DAB2: variants seen among roughly 807,000 people sequenced by gnomAD.
DAB2 encodes the protein disabled homolog 2.
Under a neutral mutation model 71.6 loss-of-function variants are expected in DAB2, and 28 were observed. That is an observed-to-expected ratio of 0.39 (90% CI 0.29 to 0.54). DAB2 has a LOEUF of 0.54. DAB2 is among the 20% of genes least tolerant of loss of function. DAB2 has a pLI of 0.68. For synonymous variants in DAB2, 345 were observed against 339.7 expected (o/e 1.02, Z -0.17); for missense variants, 867 against 928.8 (o/e 0.93, Z 0.86).
intron 7 of DAB2, 74 bp downstream of exon 7, chr5:39,389,023 G>A: frequency 7.0e-7 from 1 of 1,435,888 alleles, no homozygotes; most frequent in South Asian, 1.2e-5. Context: ...TGGCGAGAGT[G>A]GTTGGGCAGG....
intron 1 of DAB2, among the ~76,000 whole-genome samples, chr5:39,416,101 C>T (rs897456530): frequency 1.3e-5 from 2 of 151,960 alleles, no homozygotes; most frequent in South Asian, 2.1e-4. Context: ...CTCAACCTTG[C>T]CTCACCGCCA....
chr5:39,378,157 T>C (rs2686163), intron 11 of DAB2, among the ~76,000 whole-genome samples: 58,007 of 152,088 alleles, frequency 0.38, 12,290 homozygotes, highest in Non-Finnish European at 0.47. Flanking sequence ...CTCCATCTCC[T>C]ACGACCTTGC....
chr5:39,381,908 A>C (rs1754988944), intron 10 of DAB2, among the ~76,000 whole-genome samples: 2 of 152,196 alleles, frequency 1.3e-5, no homozygotes, highest in Non-Finnish European at 2.9e-5. Context: ...CTCATCGCTA[A>C]ATGCTTGAAG....
intron 1 of DAB2, among the ~76,000 whole-genome samples, chr5:39,409,712 GGAACCTTGTGTCTAGTA>G (rs2112096353): frequency 6.6e-6 from 1 of 152,256 alleles, no homozygotes; most frequent in Admixed American, 6.5e-5. Flanking sequence ...CATAATTCAA[GGAACCTTGTGTCTAGTA>G]GAGATTTCAG....
At chr5:39,383,309 T>C in intron 9 of DAB2, 38 bp from the exon 10 acceptor site, 1 of 1,482,076 alleles carries the variant, frequency 6.7e-7, no homozygotes, top group African/African-American at 1.4e-5. Context: ...AAAGTGTTAG[T>C]CCATGTTGTG....
chr5:39,405,021 TA>T (rs142203529), intron 1 of DAB2, among the ~76,000 whole-genome samples: 12,856 of 152,246 alleles, frequency 0.084, 958 homozygotes, highest in African/African-American at 0.2. Flanking sequence ...TTTGAACACT[TA>T]ACTGCACTAA....
intron 1 of DAB2, among the ~76,000 whole-genome samples, chr5:39,407,466 G>T (rs138393148): frequency 6.6e-6 from 1 of 152,190 alleles, no homozygotes; most frequent in South Asian, 2.1e-4. Context: ...CTCCCAAAGT[G>T]CTGGGATTAC....
chr5:39,413,806 T>C (rs1397028733), intron 1 of DAB2, among the ~76,000 whole-genome samples: 1 of 152,196 alleles, frequency 6.6e-6, no homozygotes, highest in Non-Finnish European at 1.5e-5. Flanking sequence ...GCTAATTTGG[T>C]AGACAGCAAA....
intron 1 of DAB2, among the ~76,000 whole-genome samples, chr5:39,412,970 T>TAGGG (rs1188379005): frequency 1.3e-5 from 2 of 152,146 alleles, no homozygotes; most frequent in Non-Finnish European, 2.9e-5. Flanking sequence ...GGCTATAATA[T>TAGGG]AGGGCCTGTG....
intron 9 of DAB2, 68 bp downstream of exon 9, chr5:39,388,237 C>G: frequency 8.7e-7 from 1 of 1,150,146 alleles, no homozygotes; most frequent in East Asian, 2.4e-5. Context: ...CTTAAGATTT[C>G]TGGTTATTGC....
intron 9 of DAB2, among the ~76,000 whole-genome samples, chr5:39,387,367 G>T (rs755984233): frequency 1.3e-5 from 2 of 151,896 alleles, no homozygotes; most frequent in South Asian, 4.2e-4. Context: ...CATCTTTTAT[G>T]TTCAAATCTA....
Position 39,383,029 on chromosome 5 carries a change from C to A in DAB2, c.930G>T (p.Ser310=), listed in dbSNP as rs200633845. ...FTQPDQSTPS[S]FDSLKSPDQK... Reference sequence around the variant, plus strand: ...GATCTGGAGATTTGAGAGAATCAAACGAAGAAGGTGTCGATTGGTCTGGCT... The same window carrying A: ...GATCTGGAGATTTGAGAGAATCAAAAGAAGAAGGTGTCGATTGGTCTGGCT... Residue 310 remains serine, a synonymous_variant, in exon 10 of 15, where the codon TCG becomes TCT. Transcript: ENST00000320816. The A allele has an allele frequency of 8.7e-6, 14 of 1,613,878 alleles. 1 individual carries two copies. The highest frequency in any genetic ancestry group is 1.2e-5 in the Non-Finnish European group (14 of 1,180,022).
chr5:39,383,257 G>T lies in DAB2; in HGVS notation c.702C>A (p.Ile234=). 6.2e-7 allele frequency: 1 copy of T among 1,604,728 alleles called. No homozygotes were observed. Among genetic ancestry groups the T allele is most frequent in the Non-Finnish European group, 8.5e-7 (1 of 1,174,160 alleles). The change falls in exon 10 of 15, where the codon ATC becomes ATA. Residue 234 remains isoleucine (I), a synonymous_variant. Transcript: ENST00000320816. ...TTTCAGAGTTTAGATCCACTAACAGGATATCTTTGCTTTCCTATCACATTT... is the reference window on the plus strand; with the variant it reads ...TTTCAGAGTTTAGATCCACTAACAGTATATCTTTGCTTTCCTATCACATTT... ...DLNSPTESKD[I]LLVDLNSEID...
At chr5:39,414,329 C>T (rs1424396976) in intron 1 of DAB2, among the ~76,000 whole-genome samples, 2 of 152,094 alleles carry the variant, frequency 1.3e-5, no homozygotes, top group African/African-American at 2.4e-5. Flanking sequence ...TGTGTTAAGT[C>T]AAAGCAATAG....
intron 2 of DAB2, 49 bp downstream of exon 2, chr5:39,394,181 G>T: frequency 7.0e-7 from 1 of 1,438,374 alleles, no homozygotes; most frequent in Non-Finnish European, 9.8e-7. Context: ...TTCTCCAGGG[G>T]TAACCATCTC....
chr5:39,382,664 G>C lies in DAB2; in HGVS notation c.1295C>G (p.Pro432Arg). The C allele has an allele frequency of 6.2e-7, 1 of 1,614,086 alleles. No homozygotes were observed. The change falls in exon 10 of 15, where the codon CCA (proline) becomes CGA (arginine). Residue 432 changes from proline (P) to arginine (R), a missense_variant. This residue lies in a region of DAB2 where 740 missense variants were observed against 734.3 expected (regional missense o/e 1.01). Coordinates refer to ENST00000320816, the MANE Select transcript of DAB2 (RefSeq NM_001343.4). ...SSPHDSIAIIPPPQSTKPGRG... is the reference protein window; with the variant it reads ...SSPHDSIAIIRPPQSTKPGRG... ...TCCTGGTTTGGTACTTTGTGGAGGT[G>C]GGATAATGGCTATGGAGTCATGTGG... is the stretch of plus-strand genomic sequence containing the variant.
intron 1 of DAB2, among the ~76,000 whole-genome samples, chr5:39,401,941 G>A (rs1054190276): frequency 1.1e-4 from 17 of 151,706 alleles, no homozygotes; most frequent in African/African-American, 2.9e-4. Context: ...TTTGAGACTC[G>A]GTAATTTATA....
intron 1 of DAB2, among the ~76,000 whole-genome samples, chr5:39,409,216 A>G (rs1755669219): frequency 6.6e-6 from 1 of 152,158 alleles, no homozygotes; most frequent in African/African-American, 2.4e-5. Flanking sequence ...TTCTTGAGCT[A>G]AAGTTCACAT....
intron 1 of DAB2, among the ~76,000 whole-genome samples, chr5:39,413,511 A>G (rs1755777726): frequency 6.6e-6 from 1 of 152,196 alleles, no homozygotes; most frequent in Non-Finnish European, 1.5e-5. Context: ...GAGCTCCTTT[A>G]AAACAAAAAA....
Sources: allele counts gnomAD v4.1 joint callset (sites outside exome capture counted in the v4.1 genomes callset), GRCh38; gene constraint gnomAD v4.1.1; regional missense constraint gnomAD v4.1.1; transcripts MANE v1.5; gene names NCBI Gene and HGNC (gene_info 2026-07-23, HGNC 2026-07-21).